SLC35B4: variants seen among roughly 807,000 people sequenced by gnomAD.
SLC35B4 encodes nucleotide sugar transporter SLC35B4.
In SLC35B4, 28 loss-of-function variants were observed where a neutral mutation model predicts 39.5. That is an observed-to-expected ratio of 0.71 (90% CI 0.53 to 0.97). The LOEUF (loss-of-function observed/expected upper bound fraction) is 0.97. Ranked by LOEUF, SLC35B4 falls within the 50% of genes least tolerant of loss-of-function variation. The pLI, the probability that SLC35B4 is intolerant of heterozygous loss-of-function variation, is 0.00. For missense variants in SLC35B4, 334 were observed against 414.3 expected, an observed-to-expected ratio of 0.81 and a Z score of 1.68; for synonymous variants, 145 against 150.4, an observed-to-expected ratio of 0.96 and a Z score of 0.26.
rs566556827 is a variant in SLC35B4, at chr7:134,293,792, CTTT to C, written c.*1038_*1040del. On this transcript the variant is annotated 3_prime_UTR_variant, in exon 10 of 10. Coordinates refer to ENST00000378509, the MANE Select transcript of SLC35B4 (RefSeq NM_032826.5). ...GGGTGTCCAGTCCATAACAACCTTT[CTTT>C]TTTTTTTTTTTTTTTGAGATAGAGT... The C allele has an allele frequency of 1.1e-4, 15 of 135,566 alleles. No homozygotes were observed. Among genetic ancestry groups the C allele is most frequent in the Non-Finnish European group, 1.5e-4 (9 of 62,000 alleles). The allele number at this position is 135,566 out of a possible 1,614,324, so 8.4% of individuals were successfully genotyped here.
rs1803402342 is a variant in SLC35B4 at position 134,294,118 on chromosome 7, T to C, written c.*715A>G. 6.6e-6 allele frequency: 1 copy of C among 152,202 alleles called. No homozygotes were observed. The highest frequency in any genetic ancestry group is 2.4e-5 in the African/African-American group (1 of 41,378). The allele number at this position is 152,202 out of a possible 1,614,324, so 9.4% of individuals were successfully genotyped here. The stretch of plus-strand genomic sequence containing the variant: ...CAACCTTTCTTTGTTATGAACACTG[T>C]GTCTGCTGTGAGATATGCTGCAGGG... On this transcript the variant is annotated 3_prime_UTR_variant, in exon 10 of 10. Transcript: ENST00000378509.
intron 1 of SLC35B4, among the ~76,000 whole-genome samples, chr7:134,310,329 C>T (rs1315413535): frequency 6.6e-6 from 1 of 152,114 alleles, no homozygotes; most frequent in African/African-American, 2.4e-5. Context: ...TTGTTAGGAA[C>T]AAATTTACAA....
At chr7:134,305,930 A>G (rs1039958435) in intron 3 of SLC35B4, among the ~76,000 whole-genome samples, 1 of 152,086 alleles carries the variant, frequency 6.6e-6, no homozygotes, top group Non-Finnish European at 1.5e-5. Flanking sequence ...CAGCCTCCCA[A>G]AGTGCTGGGA....
rs148913805 is a variant in SLC35B4 at position 134,302,642 on chromosome 7, T to G, written c.345-532A>C. Among the ~76,000 whole-genome samples the G allele has an allele frequency of 8.9e-3, 1,360 of 152,270 alleles. 9 individuals carry two copies. Among genetic ancestry groups the G allele is most frequent in the Middle Eastern group, 0.024 (7 of 294 alleles). On this transcript the variant is annotated intron_variant, in intron 4 of 9. Transcript: ENST00000378509. ...TTAACATTGTTTTAAAATGTTGGCA[T>G]AGTTGGATAAGGGGGAGGATATTCA...
intron 4 of SLC35B4, among the ~76,000 whole-genome samples, chr7:134,304,523 C>T (rs376570905): frequency 1.7e-4 from 26 of 152,242 alleles, no homozygotes; most frequent in African/African-American, 6.3e-4. Flanking sequence ...ACCTCTCTAT[C>T]ATCTTTGTAA....
At position 134,305,815 on chromosome 7, in the gene SLC35B4, C is replaced by T. The variant is rs1293450489; in HGVS notation, c.294+857G>A. Among the ~76,000 whole-genome samples, 11 of 152,224 alleles carry T rather than the reference C, an allele frequency of 7.2e-5. No individual in the cohort carries two copies. The East Asian group carries it at 1.4e-3, about 19-fold the overall frequency. ...CCTCCCGAGTAGCTGGGATTACAGG[C>T]GTGTGCCACCACGCCCAGCTAATTT... On this transcript the variant is annotated intron_variant, in intron 3 of 9. Coordinates refer to ENST00000378509, the MANE Select transcript of SLC35B4 (RefSeq NM_032826.5).
rs1021485076 is a variant in SLC35B4, at chr7:134,289,726, C to G, written c.*5107G>C. ...ATACACAAAGGCATTTTTATTGCGC[C>G]GGGGAATAACCACTACTGCTCTCTT... On this transcript the variant is annotated 3_prime_UTR_variant, in exon 10 of 10. Coordinates refer to ENST00000378509, the MANE Select transcript of SLC35B4 (RefSeq NM_032826.5). The G allele has an allele frequency of 6.6e-6, 1 of 152,156 alleles. No homozygotes were observed. Among genetic ancestry groups the G allele is most frequent in the Non-Finnish European group, 1.5e-5 (1 of 68,024 alleles). The allele number at this position is 152,156 out of a possible 1,614,324, so 9.4% of individuals were successfully genotyped here. A position where few individuals can be genotyped will look rare whatever the true frequency, so the allele number is the denominator to read the frequency against.
intron 2 of SLC35B4, among the ~76,000 whole-genome samples, chr7:134,308,262 G>C (rs2544221): frequency 0.46 from 69,373 of 151,782 alleles, 16,080 homozygotes; most frequent in Admixed American, 0.53. Context: ...TGGATGAAGA[G>C]GTGGGAGGCA....
chr7:134,310,467 C>G (rs1350338453), intron 1 of SLC35B4, among the ~76,000 whole-genome samples: 1 of 152,140 alleles, frequency 6.6e-6, no homozygotes, highest in Non-Finnish European at 1.5e-5. Context: ...ACAAAGTGAG[C>G]AGTTATCTTT....
At chr7:134,311,248 C>T (rs1377713795) in intron 1 of SLC35B4, among the ~76,000 whole-genome samples, 1 of 152,186 alleles carries the variant, frequency 6.6e-6, no homozygotes, top group African/African-American at 2.4e-5. Flanking sequence ...ATTCAAGGAC[C>T]TAATTAAAAC....
Position 134,296,467 on chromosome 7 carries a change from C to T in SLC35B4, c.674-1G>A. ...CCGATGACGGGAATTTCATATAACT[C>T]TGTAGAGGTTACAAGAGGATATAGC... On this transcript the variant is annotated splice_acceptor_variant, in intron 8 of 9. Coordinates refer to ENST00000378509, the MANE Select transcript of SLC35B4 (RefSeq NM_032826.5). LOFTEE classifies it high-confidence loss of function. The T allele has an allele frequency of 6.2e-7, 1 of 1,612,258 alleles. No homozygotes were observed. The highest frequency in any genetic ancestry group is 8.5e-7 in the Non-Finnish European group (1 of 1,178,596).
intron 1 of SLC35B4, 39 bp from the exon 2 acceptor site, chr7:134,309,518 A>G (rs765907369): frequency 1.4e-6 from 2 of 1,399,180 alleles, no homozygotes; most frequent in South Asian, 2.4e-5. Context: ...GAAGGCACAA[A>G]AACTGAGATA....
chr7:134,296,879 T>TA (rs1803480790), intron 8 of SLC35B4, among the ~76,000 whole-genome samples: 2 of 152,222 alleles, frequency 1.3e-5, no homozygotes, highest in African/African-American at 4.8e-5. Context: ...CCAAAGTAAA[T>TA]AAGACTGTAC....
intron 4 of SLC35B4, 31 bp downstream of exon 4, chr7:134,304,774 C>T (rs754738631): frequency 6.5e-7 from 1 of 1,542,764 alleles, no homozygotes. Flanking sequence ...GTATCATTTC[C>T]ATACACAAAA....
At position 134,316,883 on chromosome 7, in the gene SLC35B4, G is replaced by C. The variant is rs1803998416; in HGVS notation, c.-132C>G. On this transcript the variant is annotated 5_prime_UTR_variant, in exon 1 of 10. Coordinates refer to ENST00000378509, the MANE Select transcript of SLC35B4 (RefSeq NM_032826.5). ...TCCTGGAAAGCCGCTCTCACTGGGG[G>C]CCGCCGCGGTCTCCCCTTCTCCCGC... The C allele has an allele frequency of 1.2e-6, 1 of 834,796 alleles. No individual in the cohort carries two copies. The highest frequency in any genetic ancestry group is 1.9e-6 in the Non-Finnish European group (1 of 538,664). 51.7% of individuals were successfully genotyped at this position (834,796 alleles called of 1,614,324 possible).
chr7:134,298,869 C>T (rs1184106246), intron 8 of SLC35B4, among the ~76,000 whole-genome samples: 1 of 152,152 alleles, frequency 6.6e-6, no homozygotes, highest in Non-Finnish European at 1.5e-5. Flanking sequence ...TTATTTGTTC[C>T]TTGTGTGTTC....
At chr7:134,311,462 C>G (rs530651767) in intron 1 of SLC35B4, among the ~76,000 whole-genome samples, 1 of 152,260 alleles carries the variant, frequency 6.6e-6, no homozygotes, top group Non-Finnish European at 1.5e-5. Flanking sequence ...TCGAGACCAG[C>G]TTGGCCAACA....
At chr7:134,311,092 C>T (rs1174601752) in intron 1 of SLC35B4, among the ~76,000 whole-genome samples, 1 of 152,178 alleles carries the variant, frequency 6.6e-6, no homozygotes, top group Non-Finnish European at 1.5e-5. Context: ...AGAAATGTTG[C>T]TACTCTTTAA....
chr7:134,310,607 C>A (rs1471153780), intron 1 of SLC35B4, among the ~76,000 whole-genome samples: 2 of 150,810 alleles, frequency 1.3e-5, no homozygotes, highest in Non-Finnish European at 2.9e-5. Context: ...TGCAGTGGTG[C>A]CATCTTGGCT....
Sources: gnomAD v4.1 joint callset for allele counts (sites outside exome capture counted in the v4.1 genomes callset) on GRCh38, gnomAD v4.1.1 for gene constraint, MANE v1.5 for transcripts, NCBI Gene and HGNC (gene_info 2026-07-23, HGNC 2026-07-21) for gene names.